The following SIAH1 variants were observed in gnomAD, a reference collection of about 807,000 sequenced individuals.
SIAH1 encodes siah E3 ubiquitin protein ligase 1.
SIAH1 carries 2 observed loss-of-function variants against 20.0 expected under a neutral mutation model. The observed-to-expected ratio is 0.10, with a 90% confidence interval of 0.04 to 0.31. SIAH1 has a LOEUF of 0.31. Among genes scored for constraint, SIAH1 ranks in the 10% least tolerant of loss-of-function variants. The pLI is 1.00. For synonymous variants in SIAH1, 118 were observed against 125.3 expected (o/e 0.94, Z 0.39); for missense variants, 119 against 355.3 (o/e 0.33, Z 5.35).
intron 1 of SIAH1, among the ~76,000 whole-genome samples, chr16:48,371,950 C>T (rs1960995418): frequency 6.6e-6 from 1 of 152,018 alleles, no homozygotes; most frequent in African/African-American, 2.4e-5. Flanking sequence ...TACACTCTAC[C>T]ATATAATTCA....
rs1183032908 is a variant in SIAH1 at position 48,361,431 on chromosome 16, T to C, written c.*149A>G. On this transcript the variant is annotated 3_prime_UTR_variant, in exon 2 of 2. Transcript: ENST00000394725. ...ATTAGTGTTACTACATGCAACTGTT[T>C]CCTGTATTTAACAGCCTTTCTTTTT... 4.3e-6 allele frequency: 3 copies of C among 699,304 alleles called. No individual in the cohort carries two copies. The highest frequency in any genetic ancestry group is 7.2e-6 in the Non-Finnish European group (3 of 417,164). The allele number at this position is 699,304 out of a possible 1,614,324, so 43.3% of individuals were successfully genotyped here.
chr16:48,371,229 T>C (rs1960980138), intron 1 of SIAH1, among the ~76,000 whole-genome samples: 1 of 152,136 alleles, frequency 6.6e-6, no homozygotes, highest in Non-Finnish European at 1.5e-5. Flanking sequence ...GCACCATGAT[T>C]GTGTCTGTGA....
chr16:48,365,993 G>A (rs1960823977), intron 1 of SIAH1: 1 of 905,148 alleles, frequency 1.1e-6, no homozygotes, highest in Non-Finnish European at 1.4e-6. Context: ...CAGGGCGCGC[G>A]GCGCACAGGG....
intron 1 of SIAH1, among the ~76,000 whole-genome samples, chr16:48,372,103 G>C (rs993595151): frequency 6.6e-6 from 1 of 152,040 alleles, no homozygotes; most frequent in South Asian, 2.1e-4. Context: ...AGAGCATATT[G>C]CTAGGAAGAC....
intron 1 of SIAH1, among the ~76,000 whole-genome samples, chr16:48,376,979 TAG>T (rs1305736457): frequency 6.6e-6 from 1 of 152,226 alleles, no homozygotes; most frequent in Admixed American, 6.5e-5. Context: ...CTTTCCAAGG[TAG>T]AGTCTTTGCA....
chr16:48,367,088 T>C (rs1960861403), intron 1 of SIAH1, among the ~76,000 whole-genome samples: 1 of 152,098 alleles, frequency 6.6e-6, no homozygotes, highest in Admixed American at 6.5e-5. Context: ...TTTGTAAAGA[T>C]AGGGAGTCCC....
At chr16:48,369,554 T>A (rs1567371583) in intron 1 of SIAH1, among the ~76,000 whole-genome samples, 1 of 151,902 alleles carries the variant, frequency 6.6e-6, no homozygotes, top group Non-Finnish European at 1.5e-5. Flanking sequence ...GCCTAGGCAA[T>A]ATACTGAGAC....
rs1334824045 is a variant in SIAH1, at chr16:48,385,200, T to A, written c.-3+4A>T. 1 of 321,688 alleles carries A rather than the reference T, an allele frequency of 3.1e-6. No individual in the cohort carries two copies. 19.9% of individuals were successfully genotyped at this position (321,688 alleles called of 1,614,324 possible). A position where few individuals can be genotyped will look rare whatever the true frequency, so the allele number is the denominator to read the frequency against. Reference sequence around the variant, plus strand: ...GCTCCTCCCTCAGGCCGGGCCCCACTTACCTGTGGGCGGAGAGCGCGCCTC... The same window carrying A: ...GCTCCTCCCTCAGGCCGGGCCCCACATACCTGTGGGCGGAGAGCGCGCCTC... On this transcript the variant is annotated splice_donor_region_variant and intron_variant, in intron 1 of 1. Transcript: ENST00000394725.
chr16:48,381,860 G>A (rs1961302308), intron 1 of SIAH1, among the ~76,000 whole-genome samples: 1 of 152,062 alleles, frequency 6.6e-6, no homozygotes, highest in Non-Finnish European at 1.5e-5. Flanking sequence ...ATAATCTTTG[G>A]GTAATAATGG....
chr16:48,378,713 CCT>C (rs1961176660), intron 1 of SIAH1, among the ~76,000 whole-genome samples: 2 of 152,112 alleles, frequency 1.3e-5, no homozygotes, highest in South Asian at 4.2e-4. Flanking sequence ...CAGCATCTCT[CCT>C]CTCTTTCCCT....
chr16:48,364,547 T>G (rs1229182134), intron 1 of SIAH1, among the ~76,000 whole-genome samples: 1 of 152,222 alleles, frequency 6.6e-6, no homozygotes, highest in Non-Finnish European at 1.5e-5. Flanking sequence ...ACTCTCAATC[T>G]GAAGCCCAGT....
chr16:48,361,524 T>A lies in SIAH1; in HGVS notation c.*56A>T. ...TAGGTTGGCAGACAGATGGGTGCCTTATTTTCTGTGAAACTGAAGTTTTAA... is the reference window on the plus strand; with the variant it reads ...TAGGTTGGCAGACAGATGGGTGCCTAATTTTCTGTGAAACTGAAGTTTTAA... On this transcript the variant is annotated 3_prime_UTR_variant, in exon 2 of 2. Coordinates refer to ENST00000394725, the MANE Select transcript of SIAH1 (RefSeq NM_003031.4). 6.3e-7 allele frequency: 1 copy of A among 1,580,134 alleles called. No individual in the cohort carries two copies. Among genetic ancestry groups the A allele is most frequent in the Non-Finnish European group, 8.6e-7 (1 of 1,159,114 alleles).
At position 48,385,222 on chromosome 16, in the gene SIAH1, C is replaced by T. The variant is rs1429460686; in HGVS notation, c.-21G>A. The stretch of plus-strand genomic sequence containing the variant: ...CACTTACCTGTGGGCGGAGAGCGCG[C>T]CTCGGACCCCGGTCCTGGCACCAAC... On this transcript the variant is annotated 5_prime_UTR_variant, in exon 1 of 2. Coordinates refer to ENST00000394725, the MANE Select transcript of SIAH1 (RefSeq NM_003031.4). 1.2e-5 allele frequency: 4 copies of T among 326,826 alleles called. No homozygotes were observed. The highest frequency in any genetic ancestry group is 2.6e-5 in the Non-Finnish European group (4 of 154,972). The allele number at this position is 326,826 out of a possible 1,614,324, so 20.2% of individuals were successfully genotyped here.
intron 1 of SIAH1, among the ~76,000 whole-genome samples, chr16:48,382,689 C>T (rs1961329896): frequency 6.6e-6 from 1 of 151,958 alleles, no homozygotes; most frequent in African/African-American, 2.4e-5. Flanking sequence ...AAAGAGAGGG[C>T]TGTACAAAAA....
intron 1 of SIAH1, among the ~76,000 whole-genome samples, chr16:48,369,435 CCCAAGCTA>C (rs767481345): frequency 1.3e-5 from 2 of 152,198 alleles, no homozygotes; most frequent in Non-Finnish European, 2.9e-5. Context: ...GAGGCTTCCA[CCCAAGCTA>C]AACATTAGAT....
intron 1 of SIAH1, among the ~76,000 whole-genome samples, chr16:48,374,701 TA>T (rs1452034497): frequency 6.6e-6 from 1 of 152,054 alleles, no homozygotes; most frequent in African/African-American, 2.4e-5. Context: ...GCATTAGCAG[TA>T]AGCACAGAAG....
chr16:48,364,235 C>G (rs1333139519), intron 1 of SIAH1, among the ~76,000 whole-genome samples: 1 of 152,048 alleles, frequency 6.6e-6, no homozygotes. Context: ...CCACTGCGCC[C>G]GGCCACTAAT....
chr16:48,374,386 A>G (rs1009792885), intron 1 of SIAH1, among the ~76,000 whole-genome samples: 5 of 152,218 alleles, frequency 3.3e-5, no homozygotes, highest in Non-Finnish European at 7.3e-5. Flanking sequence ...AAATTCTCAA[A>G]GAAAATTATG....
rs1486187843 is a variant in SIAH1 at position 48,362,508 on chromosome 16, T to C, written c.-2-78A>G. On this transcript the variant is annotated intron_variant, in intron 1 of 1. Transcript: ENST00000394725. The surrounding 1 kb of genome is among the most constrained non-coding windows in gnomAD (Gnocchi z 4.2). Reference sequence around the variant, plus strand: ...CTTTATAAATAATGTTTACATGCCATAAGTCCTTTTAAAGTTTCATACAAA... The same window carrying C: ...CTTTATAAATAATGTTTACATGCCACAAGTCCTTTTAAAGTTTCATACAAA... The C allele has an allele frequency of 5.0e-6, 7 of 1,408,244 alleles. No individual in the cohort carries two copies. Among genetic ancestry groups the C allele is most frequent in the Non-Finnish European group, 4.9e-6 (5 of 1,023,930 alleles). 87.2% of individuals were successfully genotyped at this position (1,408,244 alleles called of 1,614,324 possible). A position where few individuals can be genotyped will look rare whatever the true frequency, so the allele number is the denominator to read the frequency against.
Sources: gnomAD v4.1 joint callset for allele counts (sites outside exome capture counted in the v4.1 genomes callset) on GRCh38, gnomAD v4.1.1 for gene constraint, Gnocchi (gnomAD v3.1) non-coding constraint, MANE v1.5 for transcripts, NCBI Gene and HGNC (gene_info 2026-07-23, HGNC 2026-07-21) for gene names.